BMPER: variants seen among roughly 807,000 people sequenced by gnomAD.
BMPER encodes the protein BMP binding endothelial regulator.
Under a neutral mutation model 87.3 loss-of-function variants are expected in BMPER, and 45 were observed. The observed-to-expected ratio is 0.52, with a 90% confidence interval of 0.41 to 0.66. The LOEUF (loss-of-function observed/expected upper bound fraction) is 0.66. Among genes scored for constraint, BMPER ranks in the 30% least tolerant of loss-of-function variants. BMPER has a pLI of 0.00. For missense variants in BMPER, 784 were observed against 867.5 expected (o/e 0.90, Z 1.21); for synonymous variants, 326 against 316.2 (o/e 1.03, Z -0.33).
intron 13 of BMPER, among the ~76,000 whole-genome samples, chr7:34,095,810 A>G (rs1789514465): frequency 6.6e-6 from 1 of 151,940 alleles, no homozygotes; most frequent in African/African-American, 2.4e-5. Context: ...TCTCATTCAC[A>G]TTGCATTTTA....
At chr7:34,043,778 T>C (rs756317551) in intron 6 of BMPER, among the ~76,000 whole-genome samples, 10 of 152,162 alleles carry the variant, frequency 6.6e-5, no homozygotes, top group Non-Finnish European at 7.4e-5. Context: ...CCTGGTCACA[T>C]TGAACCTTCC....
At chr7:34,098,880 T>C (rs2127981996) in intron 13 of BMPER, among the ~76,000 whole-genome samples, 1 of 152,278 alleles carries the variant, frequency 6.6e-6, no homozygotes, top group African/African-American at 2.4e-5. Flanking sequence ...AGTTTGGTAT[T>C]TACTTCAAGA....
At chr7:33,975,310 G>A (rs75980339) in intron 6 of BMPER, among the ~76,000 whole-genome samples, 8,118 of 152,168 alleles carry the variant, frequency 0.053, 231 homozygotes, top group Middle Eastern at 0.099. Flanking sequence ...GCTTCTGTGC[G>A]TCCTGAGGGG....
chr7:33,930,875 G>C (rs1193655630), intron 2 of BMPER, among the ~76,000 whole-genome samples: 3 of 152,190 alleles, frequency 2.0e-5, no homozygotes, highest in African/African-American at 7.2e-5. Flanking sequence ...GTTTGAGTTT[G>C]GGAGCTTGAG....
chr7:34,113,841 G>T (rs1790044239), intron 13 of BMPER, among the ~76,000 whole-genome samples: 1 of 152,074 alleles, frequency 6.6e-6, no homozygotes, highest in Admixed American at 6.6e-5. Context: ...CACAATACTG[G>T]TTTTATTTGT....
intron 13 of BMPER, among the ~76,000 whole-genome samples, chr7:34,140,575 C>T (rs1436256097): frequency 6.6e-6 from 1 of 152,164 alleles, no homozygotes; most frequent in Non-Finnish European, 1.5e-5. Context: ...GACAGAGGGA[C>T]CTGTCTGTGG....
intron 4 of BMPER, among the ~76,000 whole-genome samples, chr7:33,968,695 A>C (rs1334515970): frequency 1.3e-5 from 2 of 152,208 alleles, no homozygotes; most frequent in Non-Finnish European, 2.9e-5. Context: ...GGGTACAACA[A>C]GGTCTCAGAC....
intron 13 of BMPER, among the ~76,000 whole-genome samples, chr7:34,100,935 C>G (rs1168466001): frequency 6.6e-6 from 1 of 152,158 alleles, no homozygotes; most frequent in Non-Finnish European, 1.5e-5. Context: ...GGTTTAGATC[C>G]TTACTATTCA....
intron 13 of BMPER, among the ~76,000 whole-genome samples, chr7:34,128,095 G>T (rs530761708): frequency 1.3e-5 from 2 of 152,138 alleles, no homozygotes; most frequent in Non-Finnish European, 2.9e-5. Flanking sequence ...CGTGATGTCT[G>T]TTCCCCTTCT....
At chr7:33,910,631 T>G (rs1429559683) in intron 2 of BMPER, among the ~76,000 whole-genome samples, 1 of 152,234 alleles carries the variant, frequency 6.6e-6, no homozygotes, top group Non-Finnish European at 1.5e-5. Flanking sequence ...AGGTTGAAAT[T>G]TCCTCTTTAA....
chr7:34,062,190 A>G (rs968298757), intron 11 of BMPER, 143 bp downstream of exon 11: 3 of 701,600 alleles, frequency 4.3e-6, no homozygotes, highest in African/African-American at 1.8e-5. Flanking sequence ...CCCTACAGTC[A>G]CTTTAAGTCA....
chr7:33,936,732 A>G (rs1462570969), intron 2 of BMPER, among the ~76,000 whole-genome samples: 2 of 152,178 alleles, frequency 1.3e-5, no homozygotes, highest in Non-Finnish European at 2.9e-5. Flanking sequence ...GCTAGAAAAC[A>G]CTGACGTCCA....
At chr7:33,996,792 A>T (rs1368298137) in intron 6 of BMPER, among the ~76,000 whole-genome samples, 1 of 152,270 alleles carries the variant, frequency 6.6e-6, no homozygotes, top group African/African-American at 2.4e-5. Context: ...CCCTAACCCC[A>T]TATATCCAAA....
chr7:34,027,215 G>T (rs756665124), intron 6 of BMPER, among the ~76,000 whole-genome samples: 1 of 152,070 alleles, frequency 6.6e-6, no homozygotes, highest in Admixed American at 6.6e-5. Context: ...GTTCCAGGGG[G>T]TTCACAAGGT....
intron 13 of BMPER, among the ~76,000 whole-genome samples, chr7:34,114,572 A>G (rs1237313117): frequency 6.6e-6 from 1 of 152,232 alleles, no homozygotes; most frequent in Admixed American, 6.5e-5. Flanking sequence ...CAACTTAGGG[A>G]GGAAAAATAT....
At chr7:34,005,613 C>T (rs1197018482) in intron 6 of BMPER, among the ~76,000 whole-genome samples, 2 of 151,788 alleles carry the variant, frequency 1.3e-5, no homozygotes, top group East Asian at 1.9e-4. Context: ...CTTTATTGCC[C>T]AGTCTTGTCT....
chr7:34,133,601 G>A (rs187077401), intron 13 of BMPER, among the ~76,000 whole-genome samples: 44 of 152,310 alleles, frequency 2.9e-4, no homozygotes, highest in African/African-American at 1.1e-3. Context: ...GAAGGGGGTT[G>A]TGGAAACTCC....
In BMPER at chr7:34,046,326, G is replaced by A. The variant is rs1325624405; in HGVS notation, c.597G>A (p.Val199=). 11 of 1,613,878 alleles carry A rather than the reference G, an allele frequency of 6.8e-6. No homozygotes were observed. Among genetic ancestry groups the A allele is most frequent in the Non-Finnish European group, 9.3e-6 (11 of 1,179,852 alleles). Residue 199 remains valine, a synonymous_variant, in exon 7 of 15, where the codon GTG becomes GTA. Transcript: ENST00000649409. ...CTTAGGGAGGCAGGACACAATGTGT[G>A]AGAGAAGTCTGTCCCATTCTCTCCT... The part of the protein sequence containing the change: ...CSCTGGRTQC[V]REVCPILSCP...
chr7:34,012,188 G>A (rs1248935552), intron 6 of BMPER, among the ~76,000 whole-genome samples: 1 of 151,926 alleles, frequency 6.6e-6, no homozygotes, highest in East Asian at 1.9e-4. Context: ...GAGGCTAAAA[G>A]TTCACAGAGA....
Sources: gnomAD v4.1 joint callset for allele counts (sites outside exome capture counted in the v4.1 genomes callset) on GRCh38, gnomAD v4.1.1 for gene constraint, MANE v1.5 for transcripts, NCBI Gene and HGNC (gene_info 2026-07-23, HGNC 2026-07-21) for gene names.